ZNF175: variants seen among roughly 807,000 people sequenced by gnomAD.
The protein encoded by ZNF175 is zinc finger protein 175.
A neutral mutation model predicts 14.0 loss-of-function variants in ZNF175; 8 were observed. The ratio of observed to expected loss-of-function variants is 0.57; its 90% CI spans 0.34 to 1.03. ZNF175 has a LOEUF of 1.03. ZNF175 is among the 50% of genes least tolerant of loss of function. ZNF175 has a pLI of 0.03. For missense variants in ZNF175, 764 were observed against 849.5 expected (o/e 0.90, Z 1.25); for synonymous variants, 255 against 296.8 (o/e 0.86, Z 1.45).
rs994402929 is a variant in ZNF175 at position 51,589,419 on chromosome 19, AT to A, written c.*953del. ...TTATTCCCTATTGAATATTTATATAATGAGGTTGTATCAACAATGATTAACT... is the reference window on the plus strand; with the variant it reads ...TTATTCCCTATTGAATATTTATATAAGAGGTTGTATCAACAATGATTAACT... On this transcript the variant is annotated 3_prime_UTR_variant, in exon 5 of 5. Coordinates refer to ENST00000262259, the MANE Select transcript of ZNF175 (RefSeq NM_007147.4). 1.2e-5 allele frequency: 7 copies of A among 591,142 alleles called. No homozygotes were observed. The highest frequency in any genetic ancestry group is 2.1e-5 in the Non-Finnish European group (7 of 334,158). 36.6% of individuals were successfully genotyped at this position (591,142 alleles called of 1,614,324 possible).
Position 51,587,293 on chromosome 19 carries a change from A to C in ZNF175, c.962A>C (p.Lys321Thr). 6.2e-7 allele frequency: 1 copy of C among 1,614,156 alleles called. No homozygotes were observed. Among genetic ancestry groups the C allele is most frequent in the South Asian group, 1.1e-5 (1 of 91,086 alleles). The change falls in exon 5 of 5, where the codon AAA becomes ACA. Residue 321 changes from lysine (K) to threonine (T), a missense_variant. Lys to Thr is a moderately conservative substitution (Grantham distance 78). Transcript: ENST00000262259. ...GGAAAAGCCTTCATGCCACAACTAA[A>C]ACTCAGTGTATATCTGACAGATCAT... Reference protein sequence around the residue: ...KCGKAFMPQLKLSVYLTDHTG... With the variant: ...KCGKAFMPQLTLSVYLTDHTG...
intron 2 of ZNF175, chr19:51,573,724 G>T: frequency 5.0e-6 from 2 of 400,246 alleles, no homozygotes; most frequent in Non-Finnish European, 8.7e-6. Flanking sequence ...TCCACCACTG[G>T]GTCTTTGAAA....
intron 2 of ZNF175, among the ~76,000 whole-genome samples, chr19:51,577,789 G>T (rs955937158): frequency 3.3e-5 from 5 of 149,462 alleles, no homozygotes; most frequent in Non-Finnish European, 7.4e-5. Context: ...TCAGCCTCCC[G>T]AGTAGCTGGG....
Position 51,573,183 on chromosome 19 carries a change from T to G in ZNF175, c.-147T>G. The G allele has an allele frequency of 1.3e-6, 1 of 764,858 alleles. No individual in the cohort carries two copies. The highest frequency in any genetic ancestry group is 2.3e-6 in the Non-Finnish European group (1 of 440,776). The allele number at this position is 764,858 out of a possible 1,614,324, so 47.4% of individuals were successfully genotyped here. Reference sequence around the variant, plus strand: ...AGAACCCCCAGGTCAGGCCACATCATTGAGGCTGCAGGATCTCTCTTCATA... The same window carrying G: ...AGAACCCCCAGGTCAGGCCACATCAGTGAGGCTGCAGGATCTCTCTTCATA... On this transcript the variant is annotated 5_prime_UTR_variant, in exon 2 of 5. Transcript: ENST00000262259.
At position 51,588,545 on chromosome 19, in the gene ZNF175, G is replaced by C. The variant is rs1982255632; in HGVS notation, c.*78G>C. ...AGAAGAGAAAATCTTCTCAGAATCA[G>C]GTCTAATTATATGTTATTGAATTCA... is the stretch of plus-strand genomic sequence containing the variant. On this transcript the variant is annotated 3_prime_UTR_variant, in exon 5 of 5. Coordinates refer to ENST00000262259, the MANE Select transcript of ZNF175 (RefSeq NM_007147.4). 2 of 1,446,092 alleles carry C rather than the reference G, an allele frequency of 1.4e-6. No individual in the cohort carries two copies. The highest frequency in any genetic ancestry group is 2.5e-5 in the Admixed American group (1 of 40,492). The allele number at this position is 1,446,092 out of a possible 1,614,324, so 89.6% of individuals were successfully genotyped here.
At chr19:51,577,855 G>A (rs1043172451) in intron 2 of ZNF175, among the ~76,000 whole-genome samples, 16 of 151,232 alleles carry the variant, frequency 1.1e-4, no homozygotes, top group Non-Finnish European at 1.3e-4. Context: ...AGTAGAGATG[G>A]GGTTTCACCG....
intron 4 of ZNF175, 70 bp downstream of exon 4, chr19:51,581,952 C>T (rs1982021679): frequency 1.7e-5 from 24 of 1,416,184 alleles, no homozygotes; most frequent in Middle Eastern, 1.8e-4. Context: ...CCATACTTTT[C>T]TATTCCCTCC....
Position 51,576,713 on chromosome 19 carries a change from T to C in ZNF175, c.72+3312T>C, listed in dbSNP as rs557795546. Among the ~76,000 whole-genome samples, 12 of 152,328 alleles carry C rather than the reference T, an allele frequency of 7.9e-5. No homozygotes were observed. The East Asian group carries it at 1.5e-3, about 20-fold the overall frequency. On this transcript the variant is annotated intron_variant, in intron 2 of 4. Transcript: ENST00000262259. ...TCTCCTGGCGCCTCACGCTGTCTTCTCATGGTGCTGTGTTCACCATCACCT... is the reference window on the plus strand; with the variant it reads ...TCTCCTGGCGCCTCACGCTGTCTTCCCATGGTGCTGTGTTCACCATCACCT...
In ZNF175 at chr19:51,589,327, C is replaced by T; in HGVS notation, c.*860C>T. Reference sequence around the variant, plus strand: ...GTGGGGTTTGCTGCAGAATTCACTGCATAGCAGGAGATGTAAGCAGATGAG... The same window carrying T: ...GTGGGGTTTGCTGCAGAATTCACTGTATAGCAGGAGATGTAAGCAGATGAG... On this transcript the variant is annotated 3_prime_UTR_variant, in exon 5 of 5. Coordinates refer to ENST00000262259, the MANE Select transcript of ZNF175 (RefSeq NM_007147.4). 1.8e-6 allele frequency: 1 copy of T among 562,738 alleles called. No individual in the cohort carries two copies. The highest frequency in any genetic ancestry group is 3.1e-6 in the Non-Finnish European group (1 of 318,928). 34.9% of individuals were successfully genotyped at this position (562,738 alleles called of 1,614,324 possible). A position where few individuals can be genotyped will look rare whatever the true frequency, so the allele number is the denominator to read the frequency against.
intron 2 of ZNF175, among the ~76,000 whole-genome samples, chr19:51,578,806 A>G (rs1229250979): frequency 6.6e-6 from 1 of 152,114 alleles, no homozygotes; most frequent in East Asian, 1.9e-4. Flanking sequence ...TTACAGGACA[A>G]TGAGATACTC....
intron 2 of ZNF175, 46 bp from the exon 3 acceptor site, chr19:51,581,345 G>A (rs368920966): frequency 1.1e-4 from 185 of 1,613,758 alleles, no homozygotes; most frequent in Non-Finnish European, 1.5e-4. Context: ...ATCCCCACTC[G>A]CCAATGATGA....
rs922083770 is a variant in ZNF175, at chr19:51,591,901, T to C, written c.*3434T>C. The C allele has an allele frequency of 2.0e-5, 3 of 151,714 alleles. No individual in the cohort carries two copies. Among genetic ancestry groups the C allele is most frequent in the Admixed American group, 6.6e-5 (1 of 15,216 alleles). The allele number at this position is 151,714 out of a possible 1,614,324, so 9.4% of individuals were successfully genotyped here. A position where few individuals can be genotyped will look rare whatever the true frequency, so the allele number is the denominator to read the frequency against. ...CTCCTGCCTCAGCCTCCCGAGTAGCTGGGACTACAGGCGCCCACCACCATG... is the reference window on the plus strand; with the variant it reads ...CTCCTGCCTCAGCCTCCCGAGTAGCCGGGACTACAGGCGCCCACCACCATG... On this transcript the variant is annotated 3_prime_UTR_variant, in exon 5 of 5. Coordinates refer to ENST00000262259, the MANE Select transcript of ZNF175 (RefSeq NM_007147.4).
chr19:51,581,065 A>G (rs1388145834), intron 2 of ZNF175, among the ~76,000 whole-genome samples: 1 of 152,126 alleles, frequency 6.6e-6, no homozygotes, highest in Non-Finnish European at 1.5e-5. Context: ...TGAGCACCAG[A>G]ACCCAGCTCA....
chr19:51,587,950 T>G lies in ZNF175; in HGVS notation c.1619T>G (p.Phe540Cys), dbSNP rs1169748107. Residue 540 changes from phenylalanine (F) to cysteine (C), a missense_variant, in exon 5 of 5, where the codon TTC becomes TGC. Physicochemically the swap from Phe to Cys is radical, Grantham distance 205. Coordinates refer to ENST00000262259, the MANE Select transcript of ZNF175 (RefSeq NM_007147.4). ...GTATGCAGTGAATGCGGGAAAGCCT[T>G]CAACCAGAAGTCAATACTCAGCATG... ...HHVCSECGKAFNQKSILSMHQ... is the reference protein window; with the variant it reads ...HHVCSECGKACNQKSILSMHQ... 3.7e-6 allele frequency: 6 copies of G among 1,614,052 alleles called. No individual in the cohort carries two copies. Among genetic ancestry groups the G allele is most frequent in the Non-Finnish European group, 5.1e-6 (6 of 1,180,040 alleles).
intron 2 of ZNF175, among the ~76,000 whole-genome samples, chr19:51,580,859 C>A (rs1259477576): frequency 6.6e-6 from 1 of 152,186 alleles, no homozygotes; most frequent in East Asian, 1.9e-4. Flanking sequence ...CCAGCGTAAG[C>A]TTCACCAACT....
At chr19:51,581,335 A>T in intron 2 of ZNF175, 56 bp from the exon 3 acceptor site, 1 of 1,613,878 alleles carries the variant, frequency 6.2e-7, no homozygotes, top group Non-Finnish European at 8.5e-7. Flanking sequence ...TATATGTGCC[A>T]TCCCCACTCG....
At chr19:51,581,264 G>T in intron 2 of ZNF175, 127 bp from the exon 3 acceptor site, 1 of 1,262,768 alleles carries the variant, frequency 7.9e-7, no homozygotes, top group Non-Finnish European at 1.1e-6. Flanking sequence ...TGTGAAATAG[G>T]TGTTTGGTGG....
Position 51,589,530 on chromosome 19 carries a change from G to T in ZNF175, c.*1063G>T. ...AATGTTTACTGATCTTTATATTACA[G>T]ATTTTCTCTTCTTTTAGGATTAGCT... is the stretch of plus-strand genomic sequence containing the variant. On this transcript the variant is annotated 3_prime_UTR_variant, in exon 5 of 5. Coordinates refer to ENST00000262259, the MANE Select transcript of ZNF175 (RefSeq NM_007147.4). 1 of 701,556 alleles carries T rather than the reference G, an allele frequency of 1.4e-6. No homozygotes were observed. The highest frequency in any genetic ancestry group is 2.7e-5 in the East Asian group (1 of 37,266). 43.5% of individuals were successfully genotyped at this position (701,556 alleles called of 1,614,324 possible).
Position 51,592,434 on chromosome 19 carries a change from A to T in ZNF175, c.*3967A>T, listed in dbSNP as rs532882499. On this transcript the variant is annotated 3_prime_UTR_variant, in exon 5 of 5. Transcript: ENST00000262259. ...GGTGGCTGTCCACCATGAGTACAAC[A>T]CAAATGCTCGTTCTTAATGATTCAA... is the stretch of plus-strand genomic sequence containing the variant. 1 of 541,798 alleles carries T rather than the reference A, an allele frequency of 1.8e-6. No individual in the cohort carries two copies. The highest frequency in any genetic ancestry group is 1.9e-5 in the African/African-American group (1 of 52,408). 33.6% of individuals were successfully genotyped at this position (541,798 alleles called of 1,614,324 possible). A position where few individuals can be genotyped will look rare whatever the true frequency, so the allele number is the denominator to read the frequency against.
Sources: allele counts gnomAD v4.1 joint callset (sites outside exome capture counted in the v4.1 genomes callset), GRCh38; gene constraint gnomAD v4.1.1; transcripts MANE v1.5; gene names NCBI Gene and HGNC (gene_info 2026-07-23, HGNC 2026-07-21).